ASTN2: variants seen among roughly 807,000 people sequenced by gnomAD.
The protein encoded by ASTN2 is astrotactin 2.
In ASTN2, 54 loss-of-function variants were observed where a neutral mutation model predicts 139.8. The observed-to-expected ratio is 0.39, with a 90% CI of 0.31 to 0.48. The LOEUF is 0.48. ASTN2 is among the 20% of genes least tolerant of loss of function. The pLI is 0.95. For synonymous variants in ASTN2, 756 were observed against 719.5 expected (o/e 1.05, Z -0.81); for missense variants, 1,565 against 1,725.1 (o/e 0.91, Z 1.64).
chr9:116,643,789 A>C (rs1422792441), intron 17 of ASTN2, among the ~76,000 whole-genome samples: 1 of 152,186 alleles, frequency 6.6e-6, no homozygotes, highest in Non-Finnish European at 1.5e-5. Context: ...TCCCTTCTTT[A>C]AGAATTGTTT....
chr9:116,527,637 C>T (rs1318317215), intron 19 of ASTN2, among the ~76,000 whole-genome samples: 1 of 152,190 alleles, frequency 6.6e-6, no homozygotes. Flanking sequence ...TCCAGCCAAT[C>T]CTACTACTGG....
At chr9:117,255,059 T>C (rs1048650384) in intron 2 of ASTN2, among the ~76,000 whole-genome samples, 1 of 152,196 alleles carries the variant, frequency 6.6e-6, no homozygotes, top group African/African-American at 2.4e-5. Flanking sequence ...ATAATCACAG[T>C]TCTTCTGGCT....
intron 2 of ASTN2, among the ~76,000 whole-genome samples, chr9:117,262,417 A>AT (rs3041150): frequency 0.083 from 12,383 of 149,862 alleles, 631 homozygotes; most frequent in African/African-American, 0.12. Flanking sequence ...TTATTTATTT[A>AT]TTTTTTATCT....
At chr9:117,008,037 T>C in intron 7 of ASTN2, 55 bp downstream of exon 7, 1 of 1,480,946 alleles carries the variant, frequency 6.8e-7, no homozygotes, top group Non-Finnish European at 9.0e-7. Flanking sequence ...GCACAATGCC[T>C]CTTTCAACCC....
intron 19 of ASTN2, chr9:116,612,739 T>C (rs1421807672): frequency 2.0e-5 from 3 of 152,018 alleles, no homozygotes; most frequent in East Asian, 1.9e-4. Flanking sequence ...GGGAGATTTA[T>C]AGCACTAAAT....
intron 1 of ASTN2, among the ~76,000 whole-genome samples, chr9:117,372,673 T>C (rs1299550569): frequency 6.6e-6 from 1 of 152,190 alleles, no homozygotes; most frequent in Non-Finnish European, 1.5e-5. Context: ...AGGTTCTGAA[T>C]ACATGATATT....
intron 6 of ASTN2, among the ~76,000 whole-genome samples, chr9:117,025,651 G>A (rs1042922463): frequency 5.9e-5 from 9 of 152,194 alleles, no homozygotes; most frequent in African/African-American, 1.9e-4. Context: ...TTACTCCAGT[G>A]ATTCAAACCT....
At chr9:116,607,354 A>C (rs1048494095) in intron 19 of ASTN2, among the ~76,000 whole-genome samples, 1 of 152,110 alleles carries the variant, frequency 6.6e-6, no homozygotes, top group Non-Finnish European at 1.5e-5. Flanking sequence ...CCACAAAGTC[A>C]GGAATTGGAT....
At chr9:117,301,223 C>A (rs16934469) in intron 1 of ASTN2, among the ~76,000 whole-genome samples, 9 of 152,060 alleles carry the variant, frequency 5.9e-5, no homozygotes. Flanking sequence ...ATGATATGCC[C>A]TTGGTTTCTA....
Position 117,340,331 on chromosome 9 carries a change from CAAAAAAAAAAA to C in ASTN2, c.443-48829_443-48819del, listed in dbSNP as rs56228779. On this transcript the variant is annotated intron_variant, in intron 1 of 22. Transcript: ENST00000313400. ...TGGGTGACTGAGAGAGACTCAGTCT[CAAAAAAAAAAA>C]AAAAAAAAAAAAAAAAAAAGTGTCA... Among the ~76,000 whole-genome samples the C allele has an allele frequency of 5.2e-4, 21 of 40,192 alleles. No homozygotes were observed. In the East Asian group the frequency reaches 6.4e-3, roughly 12 times the overall value. The allele number at this position is 40,192 out of a possible 152,430, so 26.4% of individuals were successfully genotyped here.
chr9:117,372,657 C>T (rs1285779132), intron 1 of ASTN2, among the ~76,000 whole-genome samples: 1 of 152,068 alleles, frequency 6.6e-6, no homozygotes, highest in Non-Finnish European at 1.5e-5. Flanking sequence ...ATGCCTGGCA[C>T]ATAGCAGGTT....
chr9:117,333,235 G>T (rs1212790221), intron 1 of ASTN2, among the ~76,000 whole-genome samples: 1 of 152,170 alleles, frequency 6.6e-6, no homozygotes, highest in Non-Finnish European at 1.5e-5. Flanking sequence ...ACCTGCCATT[G>T]ACATGTGCCA....
chr9:116,894,418 T>C (rs554965750), intron 10 of ASTN2, among the ~76,000 whole-genome samples: 1 of 152,258 alleles, frequency 6.6e-6, no homozygotes, highest in African/African-American at 2.4e-5. Flanking sequence ...CCACTATGAG[T>C]TTGACCAGCA....
chr9:117,160,432 A>G (rs1388166366), intron 3 of ASTN2, among the ~76,000 whole-genome samples: 2 of 47,888 alleles, frequency 4.2e-5, no homozygotes, highest in East Asian at 7.2e-4. Flanking sequence ...ACTGGAGGGT[A>G]ATCACAATAA....
chr9:116,711,274 G>A (rs1828148586), intron 16 of ASTN2, among the ~76,000 whole-genome samples: 1 of 152,126 alleles, frequency 6.6e-6, no homozygotes, highest in Non-Finnish European at 1.5e-5. Context: ...ACTCTTCAAT[G>A]CCCCATAACA....
At chr9:117,332,932 G>A (rs1564151211) in intron 1 of ASTN2, among the ~76,000 whole-genome samples, 1 of 152,184 alleles carries the variant, frequency 6.6e-6, no homozygotes, top group Non-Finnish European at 1.5e-5. Flanking sequence ...TTCCATTTGT[G>A]TGATATGTCC....
At chr9:116,889,982 A>G (rs557714654) in intron 10 of ASTN2, among the ~76,000 whole-genome samples, 1 of 152,258 alleles carries the variant, frequency 6.6e-6, no homozygotes, top group Admixed American at 6.5e-5. Context: ...GAAAGAGAGG[A>G]GGGAGGAAAA....
Position 117,364,988 on chromosome 9 carries a change from CACACACACACAA to C in ASTN2, c.442+49497_442+49508del, listed in dbSNP as rs1281315103. ...ACACACACACACACACACACACACACACACACACACAAAATCAGCCATGCATTATGGCATGCA... is the reference window on the plus strand; with the variant it reads ...ACACACACACACACACACACACACACAATCAGCCATGCATTATGGCATGCA... On this transcript the variant is annotated intron_variant, in intron 1 of 22. Transcript: ENST00000313400. 1.6e-3 allele frequency among the ~76,000 whole-genome samples: 228 copies of C among 147,016 alleles called. 5 individuals carry two copies. Among genetic ancestry groups the C allele is most frequent in the African/African-American group, 5.1e-3 (205 of 39,954 alleles).
At chr9:116,979,237 A>T (rs1160230773) in intron 7 of ASTN2, among the ~76,000 whole-genome samples, 1 of 152,198 alleles carries the variant, frequency 6.6e-6, no homozygotes, top group Admixed American at 6.5e-5. Context: ...GGTCAGAGAT[A>T]GTATTCAAAA....
Sources: allele counts gnomAD v4.1 joint callset (sites outside exome capture counted in the v4.1 genomes callset), GRCh38; gene constraint gnomAD v4.1.1; transcripts MANE v1.5; gene names NCBI Gene and HGNC (gene_info 2026-07-23, HGNC 2026-07-21).